The following C4orf50 variants were observed in gnomAD, a reference collection of about 807,000 sequenced individuals.
The protein encoded by C4orf50 is chromosome 4 open reading frame 50.
In C4orf50, 80 loss-of-function variants were observed where a neutral mutation model predicts 77.2. The observed-to-expected ratio is 1.04, with a 90% CI of 0.87 to 1.25. The LOEUF is 1.25. Ranked by LOEUF, C4orf50 falls within the 50% of genes most tolerant of loss-of-function variation. C4orf50 has a pLI of 0.00. For synonymous variants in C4orf50, 532 were observed against 465.3 expected, an observed-to-expected ratio of 1.14 and a Z score of -1.84; for missense variants, 1,257 against 1,152.9, an observed-to-expected ratio of 1.09 and a Z score of -1.31.
rs887820605 is a variant in C4orf50, at chr4:6,011,922, C to G, written c.334G>C (p.Asp112His). The change falls in exon 24 of 34, where the codon GAC (aspartate) becomes CAC (histidine). Residue 112 changes from aspartate to histidine, a missense_variant. Asp to His is a moderately conservative substitution (Grantham distance 81). Transcript: ENST00000531445. This position sits in a 1 kb window ranked among gnomAD's most constrained non-coding sequence, Gnocchi z 4.2. The stretch of plus-strand genomic sequence containing the variant: ...TGGGCCACGTGGGTGCTCAGCTGGT[C>G]CACCTTCCGGAGGAGTTTCCTTTCT... 1 of 398,942 alleles carries G rather than the reference C, an allele frequency of 2.5e-6. No homozygotes were observed. Among genetic ancestry groups the G allele is most frequent in the Non-Finnish European group, 4.4e-6 (1 of 226,092 alleles). The allele number at this position is 398,942 out of a possible 1,614,324, so 24.7% of individuals were successfully genotyped here.
chr4:6,006,850 C>T (rs531723382), intron 25 of C4orf50, among the ~76,000 whole-genome samples: 8 of 152,286 alleles, frequency 5.3e-5, no homozygotes, highest in South Asian at 2.1e-4. Context: ...GGACCCTGAC[C>T]TCAAGGAGCT....
At chr4:5,956,489 G>A (rs970884934), downstream of C4orf50, among the ~76,000 whole-genome samples, 2 of 152,206 alleles carry the variant, frequency 1.3e-5, no homozygotes, top group African/African-American at 4.8e-5. Context: ...CACCTGTCCT[G>A]ACAAGTGCTC....
At chr4:5,959,487 G>T in exon 34 of C4orf50, 1 of 1,614,230 alleles carries the variant, frequency 6.2e-7, no homozygotes, top group African/African-American at 1.3e-5. Flanking sequence ...CTCAGAGGGT[G>T]CTGGGACGTT....
rs148934055 is a variant in C4orf50, at chr4:6,017,869, G to A, written c.287+276C>T. 6.6e-6 allele frequency among the ~76,000 whole-genome samples: 1 copy of A among 152,146 alleles called. No homozygotes were observed. Among genetic ancestry groups the A allele is most frequent in the Non-Finnish European group, 1.5e-5 (1 of 68,022 alleles). ...GAGAAGAAGAGAGGGAGAACACCTG[G>A]CTTCTCCCTGCCTCCCTCCGTTTCA... On this transcript the variant is annotated intron_variant, in intron 23 of 33. Coordinates refer to ENST00000531445, the Ensembl canonical transcript of C4orf50. The surrounding 1 kb of genome is among the most constrained non-coding windows in gnomAD (Gnocchi z 4.7).
At chr4:5,937,376 A>G (rs1351141232) in intron 7 of C4orf50, among the ~76,000 whole-genome samples, 1 of 152,150 alleles carries the variant, frequency 6.6e-6, no homozygotes, top group East Asian at 1.9e-4. Context: ...TTGAAACGTT[A>G]AAGGGTAGCC....
At chr4:5,910,990 C>T (rs1716782199) in intron 7 of C4orf50, among the ~76,000 whole-genome samples, 2 of 148,086 alleles carry the variant, frequency 1.4e-5, no homozygotes, top group Admixed American at 6.9e-5. Context: ...ACTGCAAGCT[C>T]CGCCTCCCGG....
In C4orf50 at chr4:5,992,812, G is replaced by T; in HGVS notation, c.1212C>A (p.Asn404Lys). The change falls in exon 27 of 34, where the codon AAC becomes AAA. Residue 404 changes from asparagine (N) to lysine (K), a missense_variant. Asn to Lys is a moderately conservative substitution (Grantham distance 94, BLOSUM62 0). Transcript: ENST00000531445. The surrounding 1 kb of genome is among the most constrained non-coding windows in gnomAD (Gnocchi z 5.0). ...AAGCCTCTGGCCTCACCTGTTCACG[G>T]TTGGATCCGGCCAGGTCTCTGGGGA... 2.5e-6 allele frequency: 1 copy of T among 399,144 alleles called. No homozygotes were observed. 24.7% of individuals were successfully genotyped at this position (399,144 alleles called of 1,614,324 possible).
In C4orf50 at chr4:6,017,888, C is replaced by T. The variant is rs1247250731; in HGVS notation, c.287+257G>A. ...CACCTGGCTTCTCCCTGCCTCCCTC[C>T]GTTTCAGGGCCTCCCATTGGCTGCA... On this transcript the variant is annotated intron_variant, in intron 23 of 33. Transcript: ENST00000531445. This position sits in a 1 kb window ranked among gnomAD's most constrained non-coding sequence, Gnocchi z 4.7. 3.9e-5 allele frequency among the ~76,000 whole-genome samples: 6 copies of T among 152,170 alleles called. No homozygotes were observed. Among genetic ancestry groups the T allele is most frequent in the Non-Finnish European group, 5.9e-5 (4 of 68,020 alleles).
intron 7 of C4orf50, among the ~76,000 whole-genome samples, chr4:5,936,797 T>A (rs1470376734): frequency 6.6e-6 from 1 of 151,714 alleles, no homozygotes; most frequent in Admixed American, 6.6e-5. Context: ...GTAGGATAGA[T>A]AAAAATGAAT....
At position 5,970,157 on chromosome 4, in the gene C4orf50, A is replaced by G. The variant is rs1267156892; in HGVS notation, c.4105-2695T>C. Among the ~76,000 whole-genome samples the G allele has an allele frequency of 1.3e-5, 2 of 151,936 alleles. No homozygotes were observed. The highest frequency in any genetic ancestry group is 2.9e-5 in the Non-Finnish European group (2 of 67,942). ...TCCAGGCAAAACACAGGAAAAAAAAAAAAAGGCCCACTGGGGCTAGGGGTC... is the reference window on the plus strand; with the variant it reads ...TCCAGGCAAAACACAGGAAAAAAAAGAAAAGGCCCACTGGGGCTAGGGGTC... On this transcript the variant is annotated intron_variant, in intron 31 of 33. Transcript: ENST00000531445. This position sits in a 1 kb window ranked among gnomAD's most constrained non-coding sequence, Gnocchi z 4.3.
At chr4:5,952,126 T>C (rs1336197917), downstream of C4orf50, among the ~76,000 whole-genome samples, 5 of 152,080 alleles carry the variant, frequency 3.3e-5, no homozygotes, top group Non-Finnish European at 7.4e-5. This position sits in a 1 kb window ranked among gnomAD's most constrained non-coding sequence, Gnocchi z 4.4. Context: ...CAGGCACTGT[T>C]CTAGGCACCA....
rs1258433250 is a variant in C4orf50, at chr4:5,970,098, C to T, written c.4105-2636G>A. Among the ~76,000 whole-genome samples the T allele has an allele frequency of 6.6e-6, 1 of 151,434 alleles. No homozygotes were observed. Among genetic ancestry groups the T allele is most frequent in the African/African-American group, 2.4e-5 (1 of 41,162 alleles). On this transcript the variant is annotated intron_variant, in intron 31 of 33. Coordinates refer to ENST00000531445, the Ensembl canonical transcript of C4orf50. The surrounding 1 kb of genome is among the most constrained non-coding windows in gnomAD (Gnocchi z 4.3). Reference sequence around the variant, plus strand: ...AACTGAATACAAACAGCAAAGGTGTCTCATTTCATGCTTGTGAATATCAAC... The same window carrying T: ...AACTGAATACAAACAGCAAAGGTGTTTCATTTCATGCTTGTGAATATCAAC...
chr4:5,971,738 C>T (rs902253678), intron 31 of C4orf50, among the ~76,000 whole-genome samples: 5 of 152,186 alleles, frequency 3.3e-5, no homozygotes, highest in African/African-American at 1.2e-4. Flanking sequence ...ATACTTCAAC[C>T]TGTGTAATAG....
chr4:6,002,623 C>G (rs1260941823), intron 25 of C4orf50, among the ~76,000 whole-genome samples: 2 of 152,196 alleles, frequency 1.3e-5, no homozygotes, highest in African/African-American at 4.8e-5. Flanking sequence ...CCTGCCCACT[C>G]AGACAATGCT....
chr4:5,989,659 TG>T lies in C4orf50; in HGVS notation c.2386del (p.His796ThrfsTer127). The stretch of plus-strand genomic sequence containing the variant: ...ATCGATTGTGAGTGCACACCTGTTG[TG>T]TCCTTTGCTCACAGCCTGTGGATGA... On this transcript the variant is annotated frameshift_variant, in exon 28 of 34. Transcript: ENST00000531445. LOFTEE classifies it high-confidence loss of function. 6.5e-7 allele frequency: 1 copy of T among 1,536,140 alleles called. No individual in the cohort carries two copies. The highest frequency in any genetic ancestry group is 1.2e-5 in the South Asian group (1 of 84,058).
At chr4:5,996,282 C>T (rs1721584957) in intron 25 of C4orf50, among the ~76,000 whole-genome samples, 1 of 152,188 alleles carries the variant, frequency 6.6e-6, no homozygotes, top group Non-Finnish European at 1.5e-5. Context: ...GCAGGCAAAG[C>T]CTTCTCTGCT....
chr4:5,901,142 A>G lies in C4orf50; in HGVS notation c.*2475-2954T>C, dbSNP rs1474544707. On this transcript the variant is annotated intron_variant, in intron 7 of 7. Coordinates refer to the C4orf50 transcript ENST00000324058. The surrounding 1 kb of genome is among the most constrained non-coding windows in gnomAD (Gnocchi z 4.4). ...TAATCATAATCTATGAATGTGCAGT[A>G]CAACCATCTGACAAGTATTTCTTCT... 2.0e-5 allele frequency: 3 copies of G among 152,272 alleles called. No individual in the cohort carries two copies. Among genetic ancestry groups the G allele is most frequent in the Non-Finnish European group, 4.4e-5 (3 of 68,052 alleles). 9.4% of individuals were successfully genotyped at this position (152,272 alleles called of 1,614,324 possible).
intron 7 of C4orf50, among the ~76,000 whole-genome samples, chr4:5,947,935 A>G (rs572678643): frequency 3.3e-5 from 5 of 152,356 alleles, no homozygotes; most frequent in Admixed American, 2.6e-4. Context: ...ACGCATCCAG[A>G]TGCAGGCACC....
At chr4:6,013,820 G>C (rs1318949855) in intron 23 of C4orf50, among the ~76,000 whole-genome samples, 1 of 152,154 alleles carries the variant, frequency 6.6e-6, no homozygotes, top group African/African-American at 2.4e-5. Flanking sequence ...TGGCTCCACC[G>C]ACAGCTCGAC....
Sources: gnomAD v4.1 joint callset for allele counts (sites outside exome capture counted in the v4.1 genomes callset) on GRCh38, gnomAD v4.1.1 for gene constraint, Gnocchi (gnomAD v3.1) non-coding constraint, MANE v1.5 for transcripts, NCBI Gene and HGNC (gene_info 2026-07-23, HGNC 2026-07-21) for gene names.